EVA1C: variants seen among roughly 807,000 people sequenced by gnomAD.
EVA1C encodes the protein eva-1 homolog C, also known as protein eva-1 homolog C.
Under a neutral mutation model 45.4 loss-of-function variants are expected in EVA1C, and 25 were observed. The observed-to-expected ratio is 0.55, with a 90% confidence interval of 0.40 to 0.77. The LOEUF (loss-of-function observed/expected upper bound fraction) is 0.77. Among genes scored for constraint, EVA1C ranks in the 30% least tolerant of loss-of-function variants. The pLI is 0.00. For synonymous variants in EVA1C, 190 were observed against 221.2 expected (o/e 0.86, Z 1.25); for missense variants, 479 against 554.8 (o/e 0.86, Z 1.37).
chr21:32,445,101 G>A (rs1286383843), intron 1 of EVA1C, among the ~76,000 whole-genome samples: 1 of 152,112 alleles, frequency 6.6e-6, no homozygotes, highest in Admixed American at 6.6e-5. Context: ...AATTTTGAGG[G>A]CTTCAATATT....
intron 5 of EVA1C, chr21:32,496,937 C>T (rs1386765018): frequency 9.6e-6 from 13 of 1,348,096 alleles, no homozygotes; most frequent in Non-Finnish European, 1.2e-5. Flanking sequence ...GAAGGTGCAA[C>T]TAAAAGAAAC....
intron 1 of EVA1C, among the ~76,000 whole-genome samples, chr21:32,436,185 T>A (rs1439390702): frequency 6.6e-6 from 1 of 152,198 alleles, no homozygotes; most frequent in Non-Finnish European, 1.5e-5. Context: ...TGCTTTAGCC[T>A]CCTGAGTAGC....
At chr21:32,507,843 G>A (rs1308702178) in intron 7 of EVA1C, among the ~76,000 whole-genome samples, 1 of 151,524 alleles carries the variant, frequency 6.6e-6, no homozygotes, top group Non-Finnish European at 1.5e-5. Flanking sequence ...GTGTGCATGT[G>A]TCTGTATGCT....
intron 5 of EVA1C, among the ~76,000 whole-genome samples, chr21:32,498,770 A>C: frequency 6.6e-6 from 1 of 152,120 alleles, no homozygotes; most frequent in Non-Finnish European, 1.5e-5. Context: ...CCCTGGTTTA[A>C]ACTGCTGAGA....
At chr21:32,415,467 C>T (rs1427369219) in intron 1 of EVA1C, among the ~76,000 whole-genome samples, 2 of 152,176 alleles carry the variant, frequency 1.3e-5, no homozygotes, top group Admixed American at 1.3e-4. Flanking sequence ...CTTTCTCCCC[C>T]CAGGAGATTA....
At chr21:32,473,390 C>A (rs1301456355) in intron 4 of EVA1C, among the ~76,000 whole-genome samples, 2 of 152,226 alleles carry the variant, frequency 1.3e-5, no homozygotes, top group Non-Finnish European at 2.9e-5. Context: ...CTTTAAACTG[C>A]ACTCGGCCTG....
chr21:32,490,110 C>A (rs1355340548), intron 4 of EVA1C, among the ~76,000 whole-genome samples: 1 of 152,108 alleles, frequency 6.6e-6, no homozygotes, highest in East Asian at 1.9e-4. Context: ...GGCCTACCAC[C>A]TTGACCATTT....
At chr21:32,415,508 C>G (rs565705492) in intron 1 of EVA1C, among the ~76,000 whole-genome samples, 1 of 152,114 alleles carries the variant, frequency 6.6e-6, no homozygotes, top group East Asian at 1.9e-4. Context: ...GTTCCTTAAG[C>G]CTTTCTCTTC....
At chr21:32,469,582 T>C (rs1162929003) in intron 4 of EVA1C, among the ~76,000 whole-genome samples, 1 of 152,308 alleles carries the variant, frequency 6.6e-6, no homozygotes, top group East Asian at 1.9e-4. Context: ...ACGCAGGTGC[T>C]TGTATCTATG....
At chr21:32,487,795 G>A (rs904273964) in intron 4 of EVA1C, among the ~76,000 whole-genome samples, 9 of 151,448 alleles carry the variant, frequency 5.9e-5, no homozygotes, top group Non-Finnish European at 1.2e-4. Context: ...AAACCTTGCC[G>A]TGTGCATCTC....
intron 1 of EVA1C, among the ~76,000 whole-genome samples, chr21:32,422,005 A>G (rs1361229685): frequency 2.8e-5 from 4 of 145,446 alleles, no homozygotes; most frequent in Non-Finnish European, 4.5e-5. Context: ...AGACTGTGCC[A>G]CTGCACTCCA....
At chr21:32,442,648 G>C (rs1470492193) in intron 1 of EVA1C, among the ~76,000 whole-genome samples, 1 of 149,430 alleles carries the variant, frequency 6.7e-6, no homozygotes, top group South Asian at 2.1e-4. Flanking sequence ...TAACCAAGTG[G>C]AGGGTGGCAG....
chr21:32,501,606 G>A lies in EVA1C; in HGVS notation c.859+111G>A, dbSNP rs2146433147. The A allele has an allele frequency of 4.3e-6, 6 of 1,379,716 alleles. 1 individual carries two copies. Among genetic ancestry groups the A allele is most frequent in the Middle Eastern group, 2.6e-4 (1 of 3,846 alleles). The allele number at this position is 1,379,716 out of a possible 1,614,324, so 85.5% of individuals were successfully genotyped here. ...AGAATGGAAGGGGCTGTCAGGAGGTGTGTTTGAGGTACCGGTCCTGGTGAT... is the reference window on the plus strand; with the variant it reads ...AGAATGGAAGGGGCTGTCAGGAGGTATGTTTGAGGTACCGGTCCTGGTGAT... On this transcript the variant is annotated intron_variant, in intron 6 of 7. Transcript: ENST00000300255.
At chr21:32,491,847 G>A (rs1026130694) in intron 4 of EVA1C, among the ~76,000 whole-genome samples, 3 of 152,122 alleles carry the variant, frequency 2.0e-5, no homozygotes, top group Non-Finnish European at 2.9e-5. Flanking sequence ...AGGTGCAGAC[G>A]TGTGGAGTCA....
At chr21:32,431,564 C>A (rs1888448) in intron 1 of EVA1C, among the ~76,000 whole-genome samples, 76,758 of 152,090 alleles carry the variant, frequency 0.5, 20,303 homozygotes, top group East Asian at 0.68. Context: ...TCATGCAGAG[C>A]TTCTGAGATG....
intron 1 of EVA1C, among the ~76,000 whole-genome samples, chr21:32,417,706 A>G (rs138838831): frequency 1.9e-4 from 29 of 152,316 alleles, no homozygotes; most frequent in African/African-American, 6.3e-4. Context: ...GTGGGAACTC[A>G]GTATTGATGG....
chr21:32,453,148 GC>G, intron 1 of EVA1C, 163 bp from the exon 2 acceptor site: 1 of 528,252 alleles, frequency 1.9e-6, no homozygotes, highest in Non-Finnish European at 3.5e-6. Flanking sequence ...CCACCTCTGG[GC>G]CTGGTTTGGT....
chr21:32,514,006 G>A (rs2038056201), intron 7 of EVA1C, among the ~76,000 whole-genome samples: 1 of 152,068 alleles, frequency 6.6e-6, no homozygotes, highest in African/African-American at 2.4e-5. Flanking sequence ...AACAATACAT[G>A]GTAACAACTA....
chr21:32,455,926 C>T (rs374993248), intron 2 of EVA1C, among the ~76,000 whole-genome samples: 1 of 152,110 alleles, frequency 6.6e-6, no homozygotes, highest in South Asian at 2.1e-4. Context: ...GAGTTTCACT[C>T]TTGTTGCCCA....
Sources: allele counts gnomAD v4.1 joint callset (sites outside exome capture counted in the v4.1 genomes callset), GRCh38; gene constraint gnomAD v4.1.1; transcripts MANE v1.5; gene names NCBI Gene and HGNC (gene_info 2026-07-23, HGNC 2026-07-21).